Variants in RAB12 observed in about 807,000 individuals in gnomAD.
RAB12 encodes the protein ras-related protein Rab-12.
RAB12 carries 11 observed loss-of-function variants against 28.4 expected under a neutral mutation model. The observed-to-expected ratio is 0.39, with a 90% CI of 0.24 to 0.64. The LOEUF (loss-of-function observed/expected upper bound fraction) is 0.64, where lower values mean the gene tolerates loss of function less well. Ranked by LOEUF, RAB12 falls within the 30% of genes least tolerant of loss-of-function variation. RAB12 has a pLI of 0.50. For synonymous variants in RAB12, 138 were observed against 145.3 expected, an observed-to-expected ratio of 0.95 and a Z score of 0.36; for missense variants, 276 against 351.1, an observed-to-expected ratio of 0.79 and a Z score of 1.71.
At position 8,618,961 on chromosome 18, in the gene RAB12, A is replaced by AT. The variant is rs373356698; in HGVS notation, c.515-5974dup. Among the ~76,000 whole-genome samples the AT allele has an allele frequency of 2.6e-3, 400 of 152,238 alleles. 1 individual carries two copies. The highest frequency in any genetic ancestry group is 9.3e-3 in the African/African-American group (385 of 41,520). ...CTCTGTAACCTTAACATGTTCCTTA[A>AT]TTTATTTTCTCACAACTCACTGAAA... On this transcript the variant is annotated intron_variant, in intron 1 of 5. Transcript: ENST00000649141.
chr18:8,615,090 C>T (rs938544349), intron 1 of RAB12, among the ~76,000 whole-genome samples: 1 of 152,150 alleles, frequency 6.6e-6, no homozygotes, highest in African/African-American at 2.4e-5. Flanking sequence ...GGGGCCTCGG[C>T]CTGAGACTGC....
intron 1 of RAB12, among the ~76,000 whole-genome samples, chr18:8,623,127 A>G (rs2096010850): frequency 6.6e-6 from 1 of 152,336 alleles, no homozygotes; most frequent in South Asian, 2.1e-4. Context: ...CTCGGCTTAC[A>G]AGATGACAGG....
chr18:8,612,771 C>T (rs1008597966), intron 1 of RAB12, among the ~76,000 whole-genome samples: 3 of 152,230 alleles, frequency 2.0e-5, no homozygotes, highest in Non-Finnish European at 2.9e-5. Flanking sequence ...GCCAGGCTCA[C>T]ACAATCTTCC....
At chr18:8,633,001 C>G in intron 2 of RAB12, 188 bp from the exon 3 acceptor site, 1 of 615,930 alleles carries the variant, frequency 1.6e-6, no homozygotes. Flanking sequence ...TTTTCTATGT[C>G]ATAGTTTTAG....
chr18:8,627,460 T>A (rs2096013384), intron 2 of RAB12, among the ~76,000 whole-genome samples: 1 of 152,228 alleles, frequency 6.6e-6, no homozygotes, highest in Admixed American at 6.5e-5. Flanking sequence ...CATTTTTACG[T>A]CACGTTTTAT....
At chr18:8,623,973 TGCA>T (rs2096011297) in intron 1 of RAB12, among the ~76,000 whole-genome samples, 1 of 152,258 alleles carries the variant, frequency 6.6e-6, no homozygotes, top group African/African-American at 2.4e-5. Flanking sequence ...CTCATCTGAC[TGCA>T]GCACCTCATT....
At chr18:8,611,572 G>A (rs1260741303) in intron 1 of RAB12, among the ~76,000 whole-genome samples, 1 of 152,144 alleles carries the variant, frequency 6.6e-6, no homozygotes, top group Non-Finnish European at 1.5e-5. Context: ...CTTGGGAATG[G>A]ATGCTGCGAG....
rs1000127084 is a variant in RAB12 at position 8,611,333 on chromosome 18, T to C, written c.514+1380T>C. On this transcript the variant is annotated intron_variant, in intron 1 of 5. Coordinates refer to ENST00000649141, the MANE Select transcript of RAB12 (RefSeq NM_001025300.3). ...ATTCCGTTTAGAATTGTCAATATTT[T>C]ATGGCTCCGTACTTCAGTATATAAA... is the stretch of plus-strand genomic sequence containing the variant. 2.0e-5 allele frequency among the ~76,000 whole-genome samples: 3 copies of C among 152,210 alleles called. No homozygotes were observed. In the South Asian group the frequency reaches 6.2e-4, roughly 31 times the overall value.
intron 1 of RAB12, among the ~76,000 whole-genome samples, chr18:8,619,043 A>G (rs978379789): frequency 1.3e-5 from 2 of 152,260 alleles, no homozygotes; most frequent in African/African-American, 4.8e-5. Flanking sequence ...ATTATGTAAG[A>G]TACATCCTTG....
rs759399685 is a variant in RAB12 at position 8,609,486 on chromosome 18, CCGG to C, written c.61_63del (p.Gly21del). ...AGTAGCTGCTTCCCTTCCTCCTCTC[CCGG>C]CGGCGGCGGCGGCAGCGGCGGAGGA... On this transcript the variant is annotated inframe_deletion, in exon 1 of 6. Transcript: ENST00000649141. 1.7e-4 allele frequency: 25 copies of C among 150,824 alleles called. No individual in the cohort carries two copies. The highest frequency in any genetic ancestry group is 3.9e-4 in the East Asian group (2 of 5,174). The allele number at this position is 150,824 out of a possible 1,614,324, so 9.3% of individuals were successfully genotyped here.
rs2096020184 is a variant in RAB12 at position 8,638,358 on chromosome 18, T to G, written c.*96T>G. 1.8e-5 allele frequency: 15 copies of G among 833,030 alleles called. No individual in the cohort carries two copies. Among genetic ancestry groups the G allele is most frequent in the Non-Finnish European group, 3.0e-5 (15 of 505,938 alleles). 51.6% of individuals were successfully genotyped at this position (833,030 alleles called of 1,614,324 possible). A position where few individuals can be genotyped will look rare whatever the true frequency, so the allele number is the denominator to read the frequency against. Reference sequence around the variant, plus strand: ...TCATTTTGACAATTTCCTTTCGCACTTTGTAATCCAAGTCAGAGCTATACA... The same window carrying G: ...TCATTTTGACAATTTCCTTTCGCACGTTGTAATCCAAGTCAGAGCTATACA... On this transcript the variant is annotated 3_prime_UTR_variant, in exon 6 of 6. Transcript: ENST00000649141.
At chr18:8,625,714 G>A (rs1210826348) in intron 2 of RAB12, among the ~76,000 whole-genome samples, 1 of 152,224 alleles carries the variant, frequency 6.6e-6, no homozygotes. Flanking sequence ...TGGCTTAAAA[G>A]TAGCCCCATT....
intron 1 of RAB12, among the ~76,000 whole-genome samples, chr18:8,616,213 C>T (rs1325644364): frequency 1.3e-5 from 2 of 152,036 alleles, no homozygotes; most frequent in Non-Finnish European, 2.9e-5. Flanking sequence ...AGGTGAGTCA[C>T]GGAGGTAGCC....
At chr18:8,632,575 C>A (rs2096016645) in intron 2 of RAB12, among the ~76,000 whole-genome samples, 1 of 152,104 alleles carries the variant, frequency 6.6e-6, no homozygotes, top group African/African-American at 2.4e-5. Context: ...ACGCCTGCCC[C>A]CAGCACTCTA....
At chr18:8,621,259 C>T (rs191232124) in intron 1 of RAB12, among the ~76,000 whole-genome samples, 1 of 152,310 alleles carries the variant, frequency 6.6e-6, no homozygotes, top group East Asian at 1.9e-4. Context: ...ATCATTATCA[C>T]TTCTATGACA....
chr18:8,630,497 C>A (rs964008741), intron 2 of RAB12, among the ~76,000 whole-genome samples: 2 of 152,164 alleles, frequency 1.3e-5, no homozygotes, highest in African/African-American at 4.8e-5. Context: ...TGTTCATGTT[C>A]ATGCTGGAGG....
At chr18:8,620,067 G>A (rs1241121551) in intron 1 of RAB12, among the ~76,000 whole-genome samples, 1 of 149,834 alleles carries the variant, frequency 6.7e-6, no homozygotes, top group Non-Finnish European at 1.5e-5. Flanking sequence ...GTTGGAGGCT[G>A]CAGTGAGCTA....
At chr18:8,625,785 T>A (rs2096012333) in intron 2 of RAB12, among the ~76,000 whole-genome samples, 1 of 152,238 alleles carries the variant, frequency 6.6e-6, no homozygotes, top group Non-Finnish European at 1.5e-5. Flanking sequence ...CTCAGCTTAC[T>A]AACTCCTCTT....
In RAB12 at chr18:8,625,108, C is replaced by G; in HGVS notation, c.575+110C>G. 2 of 660,968 alleles carry G rather than the reference C, an allele frequency of 3.0e-6. 1 individual carries two copies. Among genetic ancestry groups the G allele is most frequent in the Non-Finnish European group, 5.2e-6 (2 of 384,378 alleles). 40.9% of individuals were successfully genotyped at this position (660,968 alleles called of 1,614,324 possible). On this transcript the variant is annotated intron_variant, in intron 2 of 5. Coordinates refer to ENST00000649141, the MANE Select transcript of RAB12 (RefSeq NM_001025300.3). ...TGATTTGCCTCTCCTACTTTCTCCT[C>G]TTTTGCTCATTTTAAAATTAAATGG...
Sources: allele counts gnomAD v4.1 joint callset (sites outside exome capture counted in the v4.1 genomes callset), GRCh38; gene constraint gnomAD v4.1.1; transcripts MANE v1.5; gene names NCBI Gene and HGNC (gene_info 2026-07-23, HGNC 2026-07-21).